The following MS4A18 variants were observed in gnomAD, a reference collection of about 807,000 sequenced individuals.
MS4A18 encodes membrane-spanning 4-domains subfamily A member 18.
Under a neutral mutation model 13.1 loss-of-function variants are expected in MS4A18, and 27 were observed. That is an observed-to-expected ratio of 2.06 (90% CI 1.52 to 2.84). The LOEUF (loss-of-function observed/expected upper bound fraction) is 2.84. Ranked by LOEUF, MS4A18 falls within the 30% of genes most tolerant of loss-of-function variation. MS4A18 has a pLI of 0.00. For missense variants in MS4A18, 307 were observed against 196.4 expected, an observed-to-expected ratio of 1.56 and a Z score of -3.37; for synonymous variants, 126 against 76.5, an observed-to-expected ratio of 1.65 and a Z score of -3.38.
intron 3 of MS4A18, among the ~76,000 whole-genome samples, chr11:60,738,453 C>T (rs1853373253): frequency 1.3e-5 from 2 of 152,304 alleles, no homozygotes; most frequent in East Asian, 1.9e-4. Flanking sequence ...TGCCTTATCT[C>T]TTTCTGAATC....
chr11:60,727,666 T>C (rs976397152), upstream of MS4A18, among the ~76,000 whole-genome samples: 2 of 152,190 alleles, frequency 1.3e-5, no homozygotes, highest in African/African-American at 4.8e-5. Flanking sequence ...TTTTGTGCCA[T>C]AGGATTTGGT....
chr11:60,730,104 C>T (rs1357363480), intron 1 of MS4A18, among the ~76,000 whole-genome samples: 1 of 152,240 alleles, frequency 6.6e-6, no homozygotes, highest in Non-Finnish European at 1.5e-5. Flanking sequence ...AGCAGGGAGT[C>T]AGGCAATCCA....
intron 5 of MS4A18, among the ~76,000 whole-genome samples, chr11:60,742,344 A>C (rs898925851): frequency 2.0e-5 from 3 of 152,204 alleles, no homozygotes; most frequent in Non-Finnish European, 2.9e-5. Context: ...TAGTTTGAGC[A>C]ATTTCAGTCA....
intron 2 of MS4A18, among the ~76,000 whole-genome samples, chr11:60,734,699 G>T (rs1853308914): frequency 6.6e-6 from 1 of 152,122 alleles, no homozygotes; most frequent in Non-Finnish European, 1.5e-5. Context: ...TGTTTTATGG[G>T]GACTGAGTTT....
chr11:60,741,270 C>T (rs1237926712), intron 5 of MS4A18, 127 bp downstream of exon 6: 3 of 673,778 alleles, frequency 4.5e-6, no homozygotes, highest in African/African-American at 3.5e-5. Flanking sequence ...AGTTTTGCTG[C>T]ATAGCTACCT....
chr11:60,743,790 C>A (rs775431923), exon 6 of MS4A18: 42 of 700,194 alleles, frequency 6.0e-5, no homozygotes, highest in South Asian at 2.6e-4. Flanking sequence ...CTACCATTCA[C>A]CCTGTCAACA....
At chr11:60,731,098 A>G (rs1245477744) in intron 1 of MS4A18, among the ~76,000 whole-genome samples, 1 of 152,230 alleles carries the variant, frequency 6.6e-6, no homozygotes, top group Non-Finnish European at 1.5e-5. Flanking sequence ...AGTCTTTAAA[A>G]AAAAAGAAAA....
At chr11:60,736,014 G>A (rs907966770) in intron 2 of MS4A18, among the ~76,000 whole-genome samples, 3 of 152,100 alleles carry the variant, frequency 2.0e-5, no homozygotes, top group African/African-American at 7.2e-5. Flanking sequence ...CCTAAGCAAC[G>A]AGTGGCTTGG....
upstream of MS4A18, among the ~76,000 whole-genome samples, chr11:60,725,028 G>C (rs187800915): frequency 1.3e-5 from 2 of 152,188 alleles, no homozygotes; most frequent in Non-Finnish European, 2.9e-5. Flanking sequence ...TTGAGCTCCT[G>C]TCTCTGCATG....
chr11:60,729,791 GT>G lies in MS4A18; in HGVS notation c.477del (p.Ser159ArgfsTer9). ...GAGGAGGTCAGAACATTAGGGGTGA[GT>G]GTGATTTCTCCTTCTCTCCGATTTG... On this transcript the variant is annotated frameshift_variant and splice_region_variant, in exon 1 of 6. Coordinates refer to ENST00000529108, the Ensembl canonical transcript of MS4A18. LOFTEE classifies it high-confidence loss of function. The G allele has an allele frequency of 1.5e-6, 1 of 688,366 alleles. No homozygotes were observed. The highest frequency in any genetic ancestry group is 2.7e-6 in the Non-Finnish European group (1 of 376,924). The allele number at this position is 688,366 out of a possible 1,614,324, so 42.6% of individuals were successfully genotyped here.
exon 6 of MS4A18, chr11:60,743,744 C>T (rs1325533851): frequency 2.8e-6 from 2 of 702,488 alleles, no homozygotes; most frequent in South Asian, 1.5e-5. Flanking sequence ...AATGCTGCCA[C>T]TGGCCCTGTC....
In MS4A18 at chr11:60,738,893, C is replaced by A; in HGVS notation, c.649-9C>A. 3 of 703,250 alleles carry A rather than the reference C, an allele frequency of 4.3e-6. No homozygotes were observed. Among genetic ancestry groups the A allele is most frequent in the Non-Finnish European group, 7.8e-6 (3 of 385,008 alleles). The allele number at this position is 703,250 out of a possible 1,614,324, so 43.6% of individuals were successfully genotyped here. Reference sequence around the variant, plus strand: ...CGGCTCCCTCTCTCCTCTCCCTCCTCTCCTGCAGGTGAACAGCAGCATCAG... The same window carrying A: ...CGGCTCCCTCTCTCCTCTCCCTCCTATCCTGCAGGTGAACAGCAGCATCAG... On this transcript the variant is annotated splice_polypyrimidine_tract_variant and intron_variant, in intron 3 of 5. Coordinates refer to ENST00000529108, the Ensembl canonical transcript of MS4A18.
At chr11:60,726,846 G>T (rs1853169082), upstream of MS4A18, among the ~76,000 whole-genome samples, 1 of 151,384 alleles carries the variant, frequency 6.6e-6, no homozygotes, top group Non-Finnish European at 1.5e-5. Context: ...TGCTATGGTG[G>T]TTTGCTGCAT....
chr11:60,725,412 T>G (rs1056862570), upstream of MS4A18, among the ~76,000 whole-genome samples: 1 of 152,124 alleles, frequency 6.6e-6, no homozygotes, highest in Non-Finnish European at 1.5e-5. Flanking sequence ...ACCAGGATGG[T>G]CTCGATCTCC....
At position 60,730,731 on chromosome 11, in the gene MS4A18, G is replaced by A. The variant is rs536510755; in HGVS notation, c.477+939G>A. Among the ~76,000 whole-genome samples, 5 of 152,292 alleles carry A rather than the reference G, an allele frequency of 3.3e-5. No individual in the cohort carries two copies. In the East Asian group the frequency reaches 9.6e-4, roughly 29 times the overall value. On this transcript the variant is annotated intron_variant, in intron 1 of 5. Transcript: ENST00000529108. ...AAGTAGATTGTGCCAGGAACAAGGC[G>A]TTGTTTGCCTCCCAAACAAATCAAA... is the stretch of plus-strand genomic sequence containing the variant.
intron 2 of MS4A18, among the ~76,000 whole-genome samples, chr11:60,735,434 C>T (rs372860430): frequency 8.0e-5 from 12 of 150,014 alleles, no homozygotes; most frequent in South Asian, 6.3e-4. Context: ...CCCGGGTTCA[C>T]GCCATTCTCC....
intron 3 of MS4A18, among the ~76,000 whole-genome samples, chr11:60,738,597 CAACT>C (rs1312922713): frequency 1.3e-5 from 2 of 152,150 alleles, no homozygotes; most frequent in East Asian, 1.9e-4. Flanking sequence ...TCAGGTAAAA[CAACT>C]AACAGGTACT....
intron 2 of MS4A18, among the ~76,000 whole-genome samples, chr11:60,734,298 G>A (rs949049252): frequency 1.3e-5 from 2 of 152,136 alleles, no homozygotes; most frequent in African/African-American, 2.4e-5. Flanking sequence ...CTCAGAGTAC[G>A]TAAAGTTGTG....
At chr11:60,738,757 G>A (rs7934847) in intron 3 of MS4A18, 145 bp from the exon 5 acceptor site, 10 of 568,116 alleles carry the variant, frequency 1.8e-5, no homozygotes, top group East Asian at 8.7e-5. Flanking sequence ...CCTCACTATC[G>A]CTAAAATAAA....
Sources: gnomAD v4.1 joint callset for allele counts (sites outside exome capture counted in the v4.1 genomes callset) on GRCh38, gnomAD v4.1.1 for gene constraint, MANE v1.5 for transcripts, NCBI Gene and HGNC (gene_info 2026-07-23, HGNC 2026-07-21) for gene names.